Variants in STPG2 observed in about 807,000 individuals in gnomAD.
The protein encoded by STPG2 is sperm-tail PG-rich repeat-containing protein 2.
A neutral mutation model predicts 54.2 loss-of-function variants in STPG2; 56 were observed. That is an observed-to-expected ratio of 1.03 (90% confidence interval 0.83 to 1.29). The LOEUF (loss-of-function observed/expected upper bound fraction) is 1.29, where lower values mean the gene tolerates loss of function less well. STPG2 is among the 50% of genes most tolerant of loss of function. The probability of loss-of-function intolerance (pLI) is 0.00; values close to 1 mark genes in which losing one functional copy is unlikely to be tolerated. For synonymous variants in STPG2, 200 were observed against 181.8 expected (o/e 1.10, Z -0.81); for missense variants, 596 against 544.9 (o/e 1.09, Z -0.93).
intron 4 of STPG2, among the ~76,000 whole-genome samples, chr4:97,516,517 G>T (rs564355482): frequency 6.6e-6 from 1 of 152,024 alleles, no homozygotes; most frequent in Non-Finnish European, 1.5e-5. Flanking sequence ...ACACTTATAA[G>T]AAATTATTTT....
At chr4:97,603,354 A>C (rs1217109567) in intron 10 of STPG2, among the ~76,000 whole-genome samples, 1 of 151,730 alleles carries the variant, frequency 6.6e-6, no homozygotes, top group Admixed American at 6.6e-5. Flanking sequence ...ACAGTTGTAC[A>C]TGGCTGTTGG....
At chr4:97,667,383 A>T (rs1488509765) in intron 10 of STPG2, among the ~76,000 whole-genome samples, 1 of 152,238 alleles carries the variant, frequency 6.6e-6, no homozygotes, top group Non-Finnish European at 1.5e-5. Flanking sequence ...ATTTTGTGAC[A>T]GTTGGAACAG....
intron 4 of STPG2, among the ~76,000 whole-genome samples, chr4:97,471,595 C>T (rs1481649618): frequency 2.0e-5 from 3 of 151,994 alleles, no homozygotes; most frequent in Non-Finnish European, 2.9e-5. Flanking sequence ...CCTGAGGGAC[C>T]ATCTTAGGGG....
intron 4 of STPG2, among the ~76,000 whole-genome samples, chr4:97,552,844 A>C (rs1349686635): frequency 1.3e-5 from 2 of 152,168 alleles, no homozygotes; most frequent in Admixed American, 1.3e-4. Flanking sequence ...ATTTTCCACG[A>C]TACTAGTAGT....
intron 8 of STPG2, among the ~76,000 whole-genome samples, chr4:97,907,430 T>A (rs1302798123): frequency 6.6e-6 from 1 of 152,166 alleles, no homozygotes; most frequent in Non-Finnish European, 1.5e-5. Context: ...ATTGTGAAAA[T>A]GGCCATACTG....
rs374798032 is a variant in STPG2 at position 97,957,790 on chromosome 4, A to G, written c.934-13783T>C. ...CAGCCTCCTTAAACAAAACAACTAT[A>G]AGCCAAAACTTTTGTATCCAGTGAA... On this transcript the variant is annotated intron_variant, in intron 7 of 10. Coordinates refer to ENST00000295268, the MANE Select transcript of STPG2 (RefSeq NM_174952.3). Among the ~76,000 whole-genome samples the G allele has an allele frequency of 1.7e-4, 26 of 152,320 alleles. No individual in the cohort carries two copies. In the South Asian group the frequency reaches 5.0e-3, roughly 29 times the overall value.
intron 9 of STPG2, among the ~76,000 whole-genome samples, chr4:97,716,620 G>A (rs1458129566): frequency 2.0e-5 from 3 of 146,552 alleles, no homozygotes; most frequent in African/African-American, 5.0e-5. Flanking sequence ...AACACCACAT[G>A]TTTTCACTCA....
At chr4:97,617,562 A>T (rs570568567) in intron 10 of STPG2, among the ~76,000 whole-genome samples, 125 of 152,266 alleles carry the variant, frequency 8.2e-4, no homozygotes, top group African/African-American at 2.9e-3. Context: ...ACAGAGATTC[A>T]AGGGTTAAGC....
At chr4:98,068,891 T>C (rs552515718) in intron 5 of STPG2, among the ~76,000 whole-genome samples, 6 of 152,168 alleles carry the variant, frequency 3.9e-5, no homozygotes, top group African/African-American at 1.4e-4. Flanking sequence ...AGTATTTGTG[T>C]ATCTGAACAT....
intron 4 of STPG2, among the ~76,000 whole-genome samples, chr4:97,469,437 G>A (rs1488399129): frequency 1.3e-5 from 2 of 152,006 alleles, no homozygotes. Flanking sequence ...ACATTGGGTT[G>A]CCCCATTATT....
intron 5 of STPG2, among the ~76,000 whole-genome samples, chr4:98,015,913 T>G (rs1348352050): frequency 6.6e-6 from 1 of 152,002 alleles, no homozygotes; most frequent in Non-Finnish European, 1.5e-5. Flanking sequence ...TGCAGGGACA[T>G]GGATGAAGCT....
At chr4:97,627,215 C>T (rs1036635667) in intron 10 of STPG2, among the ~76,000 whole-genome samples, 6 of 151,848 alleles carry the variant, frequency 4.0e-5, no homozygotes, top group East Asian at 1.9e-4. Flanking sequence ...TTGAAGAGTC[C>T]GTATTTGGAG....
intron 10 of STPG2, among the ~76,000 whole-genome samples, chr4:97,629,327 TTTA>T (rs1256857128): frequency 6.6e-6 from 1 of 152,030 alleles, no homozygotes; most frequent in African/African-American, 2.4e-5. Context: ...ATCAATGACT[TTTA>T]TTAATAATGC....
chr4:97,624,535 G>A (rs916110542), intron 10 of STPG2, among the ~76,000 whole-genome samples: 8 of 152,176 alleles, frequency 5.3e-5, no homozygotes, highest in Non-Finnish European at 1.0e-4. Flanking sequence ...ACCTCTGTCA[G>A]GTGGATAGGT....
chr4:97,920,219 A>G (rs532302886), intron 8 of STPG2, among the ~76,000 whole-genome samples: 13 of 152,334 alleles, frequency 8.5e-5, no homozygotes, highest in East Asian at 5.8e-4. Flanking sequence ...TCCAGAACTC[A>G]TAAGTCCAGC....
At chr4:97,443,706 G>A (rs1352524121) in intron 4 of STPG2, among the ~76,000 whole-genome samples, 1 of 152,098 alleles carries the variant, frequency 6.6e-6, no homozygotes, top group Non-Finnish European at 1.5e-5. Flanking sequence ...TAAGGTACCT[G>A]AGAAAAATCT....
chr4:98,022,188 C>T (rs577786441), intron 5 of STPG2, among the ~76,000 whole-genome samples: 300 of 152,264 alleles, frequency 2.0e-3, no homozygotes, highest in African/African-American at 7.1e-3. Flanking sequence ...GTGCTTCCTT[C>T]AGGGGCTCTT....
At chr4:97,913,515 A>G (rs1399180735) in intron 8 of STPG2, among the ~76,000 whole-genome samples, 1 of 152,190 alleles carries the variant, frequency 6.6e-6, no homozygotes, top group Non-Finnish European at 1.5e-5. Flanking sequence ...TTCCTAACCT[A>G]TAGAACAGCT....
intron 8 of STPG2, among the ~76,000 whole-genome samples, chr4:97,902,312 A>G (rs1235775424): frequency 6.6e-6 from 1 of 152,020 alleles, no homozygotes; most frequent in East Asian, 1.9e-4. Flanking sequence ...GGGACTATAT[A>G]AAACTTAAAA....
Sources: allele counts gnomAD v4.1 joint callset (sites outside exome capture counted in the v4.1 genomes callset), GRCh38; gene constraint gnomAD v4.1.1; transcripts MANE v1.5; gene names NCBI Gene and HGNC (gene_info 2026-07-23, HGNC 2026-07-21).